SNX29: variants seen among roughly 807,000 people sequenced by gnomAD.
SNX29 encodes sorting nexin-29.
SNX29 carries 78 observed loss-of-function variants against 102.1 expected under a neutral mutation model. The ratio of observed to expected loss-of-function variants is 0.76; its 90% CI spans 0.64 to 0.92. SNX29 has a LOEUF of 0.92. Ranked by LOEUF, SNX29 falls within the 40% of genes least tolerant of loss-of-function variation. The pLI is 0.00. For synonymous variants in SNX29, 580 were observed against 414.5 expected (o/e 1.40, Z -4.85); for missense variants, 1,280 against 1,061.7 (o/e 1.21, Z -2.86).
intron 15 of SNX29, among the ~76,000 whole-genome samples, chr16:12,278,300 A>C (rs909835691): frequency 1.5e-4 from 23 of 152,234 alleles, no homozygotes; most frequent in Admixed American, 1.2e-3. Flanking sequence ...AACATTAAAA[A>C]TAAAACAATT....
In SNX29 at chr16:12,403,507, C is replaced by G; in HGVS notation, c.2015C>G (p.Ala672Gly). The change falls in exon 18 of 21, where the codon GCA (alanine) becomes GGA (glycine). Residue 672 changes from alanine to glycine, a missense_variant. Coordinates refer to ENST00000566228, the MANE Select transcript of SNX29 (RefSeq NM_032167.5). ...TCAGTGTTTCTCCGGGGCAAAGCAG[C>G]AAATGCATTCCACGTGTATCAGGTG... ...IPSVFLRGKA[A>G]NAFHVYQVYI... is the part of the protein sequence containing the mutation. 6.2e-7 allele frequency: 1 copy of G among 1,607,732 alleles called. No individual in the cohort carries two copies. The highest frequency in any genetic ancestry group is 8.5e-7 in the Non-Finnish European group (1 of 1,177,088).
At chr16:12,266,305 C>T (rs1028433568) in intron 14 of SNX29, among the ~76,000 whole-genome samples, 1 of 152,118 alleles carries the variant, frequency 6.6e-6, no homozygotes, top group African/African-American at 2.4e-5. Flanking sequence ...TTCTTCCACA[C>T]TAGGCAATTC....
intron 15 of SNX29, among the ~76,000 whole-genome samples, chr16:12,329,999 A>T (rs1394572547): frequency 6.6e-6 from 1 of 152,222 alleles, no homozygotes; most frequent in Non-Finnish European, 1.5e-5. Flanking sequence ...CACTATCCTG[A>T]TGGGCACACT....
chr16:12,258,942 C>T (rs903543454), intron 14 of SNX29, among the ~76,000 whole-genome samples: 1 of 152,122 alleles, frequency 6.6e-6, no homozygotes, highest in African/African-American at 2.4e-5. Context: ...TTCTCTCTCA[C>T]TATGATAGCC....
intron 16 of SNX29, among the ~76,000 whole-genome samples, chr16:12,372,318 C>T (rs2082714833): frequency 6.6e-6 from 1 of 152,186 alleles, no homozygotes; most frequent in African/African-American, 2.4e-5. Context: ...TTGAGAAAGC[C>T]CCTAGTGGCG....
intron 15 of SNX29, among the ~76,000 whole-genome samples, chr16:12,281,188 A>G (rs2079418433): frequency 6.6e-6 from 1 of 152,242 alleles, no homozygotes; most frequent in African/African-American, 2.4e-5. Context: ...TGCTGGGATC[A>G]CAAGTGTATG....
intron 20 of SNX29, among the ~76,000 whole-genome samples, chr16:12,555,801 C>CT (rs1230991630): frequency 6.6e-6 from 1 of 152,242 alleles, no homozygotes; most frequent in Non-Finnish European, 1.5e-5. Flanking sequence ...ACACTCCTGC[C>CT]TGCCTCTGCA....
At chr16:12,138,600 A>T (rs1397233072) in intron 13 of SNX29, among the ~76,000 whole-genome samples, 1 of 114,704 alleles carries the variant, frequency 8.7e-6, no homozygotes, top group East Asian at 3.4e-4. Context: ...TGTAAAATAA[A>T]ACAAAACTTT....
In SNX29 at chr16:12,571,773, C is replaced by G. The variant is rs372462302; in HGVS notation, c.*3144C>G. 83 of 1,006,808 alleles carry G rather than the reference C, an allele frequency of 8.2e-5. No homozygotes were observed. In the African/African-American group the frequency reaches 1.2e-3, roughly 14 times the overall value. 62.4% of individuals were successfully genotyped at this position (1,006,808 alleles called of 1,614,324 possible). A position where few individuals can be genotyped will look rare whatever the true frequency, so the allele number is the denominator to read the frequency against. On this transcript the variant is annotated 3_prime_UTR_variant, in exon 21 of 21. Coordinates refer to ENST00000566228, the MANE Select transcript of SNX29 (RefSeq NM_032167.5). ...CATCCACTCCTGATCTGAGACAGAA[C>G]CTTCTCCGCCACTCTTCCTGCAATC... is the stretch of plus-strand genomic sequence containing the variant.
intron 19 of SNX29, among the ~76,000 whole-genome samples, chr16:12,504,225 G>A (rs1479373870): frequency 1.3e-5 from 2 of 152,174 alleles, no homozygotes; most frequent in Non-Finnish European, 2.9e-5. Flanking sequence ...GCACATAACG[G>A]AACTTCATTC....
rs1216764162 is a variant in SNX29, at chr16:12,380,819, C to CA, written c.1900-17627_1900-17626insA. On this transcript the variant is annotated intron_variant, in intron 16 of 20. Transcript: ENST00000566228. Reference sequence around the variant, plus strand: ...CACACACCATCCATCCATCCACCCGCCATCCATCCACCCACCCACCCACCC... The same window carrying CA: ...CACACACCATCCATCCATCCACCCGCACATCCATCCACCCACCCACCCACCC... 2.2e-4 allele frequency among the ~76,000 whole-genome samples: 23 copies of CA among 106,308 alleles called. 1 individual carries two copies. Among genetic ancestry groups the CA allele is most frequent in the Admixed American group, 3.6e-4 (4 of 11,028 alleles). 69.7% of individuals were successfully genotyped at this position (106,308 alleles called of 152,430 possible).
intron 20 of SNX29, among the ~76,000 whole-genome samples, chr16:12,554,943 C>G (rs193147518): frequency 2.0e-5 from 3 of 150,160 alleles, no homozygotes; most frequent in African/African-American, 7.6e-5. Flanking sequence ...AGCACGGCCT[C>G]TGGAGAAAAC....
At chr16:12,365,276 A>G (rs2082428018) in intron 16 of SNX29, among the ~76,000 whole-genome samples, 1 of 151,232 alleles carries the variant, frequency 6.6e-6, no homozygotes, top group South Asian at 2.1e-4. Flanking sequence ...TCATCTGCGA[A>G]GTGAATCTCT....
chr16:12,027,497 TTTCTTTTTATTTATTTTTTAATAGTGGGC>T, intron 4 of SNX29, 53 bp downstream of exon 4: 3 of 1,599,758 alleles, frequency 1.9e-6, no homozygotes, highest in Non-Finnish European at 2.6e-6. Flanking sequence ...TTCTGCTCTT[TTTCTTTTTATTTATTTTTTAATAGTGGGC>T]AGGGCAGTGA....
At chr16:12,568,115 C>G (rs890044603) in intron 20 of SNX29, among the ~76,000 whole-genome samples, 2 of 152,112 alleles carry the variant, frequency 1.3e-5, no homozygotes, top group African/African-American at 2.4e-5. Context: ...TCTTGTGTGG[C>G]TTTATGTAGT....
chr16:12,282,588 A>G (rs1359343663), intron 15 of SNX29, among the ~76,000 whole-genome samples: 1 of 152,212 alleles, frequency 6.6e-6, no homozygotes, highest in African/African-American at 2.4e-5. Flanking sequence ...ATGCGTAAAG[A>G]ATGATAAATG....
At chr16:12,190,243 C>A (rs1398264930) in intron 13 of SNX29, among the ~76,000 whole-genome samples, 1 of 152,080 alleles carries the variant, frequency 6.6e-6, no homozygotes, top group Admixed American at 6.5e-5. Context: ...ATGTCAGTTC[C>A]ACTTCCACTC....
chr16:11,981,156 G>A (rs1231554162), intron 1 of SNX29, among the ~76,000 whole-genome samples: 8 of 152,068 alleles, frequency 5.3e-5, no homozygotes, highest in Non-Finnish European at 1.5e-5. Context: ...TTTCAGTAGA[G>A]ATGGGGTTTT....
chr16:12,058,234 C>G (rs2050601239), intron 8 of SNX29, among the ~76,000 whole-genome samples: 3 of 152,098 alleles, frequency 2.0e-5, no homozygotes, highest in Admixed American at 2.0e-4. Context: ...ATGTGGGAAA[C>G]TGAGTCTGAC....
Sources: gnomAD v4.1 joint callset for allele counts (sites outside exome capture counted in the v4.1 genomes callset) on GRCh38, gnomAD v4.1.1 for gene constraint, MANE v1.5 for transcripts, NCBI Gene and HGNC (gene_info 2026-07-23, HGNC 2026-07-21) for gene names.